Variants in SH3PXD2A observed in about 807,000 individuals in gnomAD.
SH3PXD2A encodes SH3 and PX domain-containing protein 2A.
In SH3PXD2A, 32 loss-of-function variants were observed where a neutral mutation model predicts 115.2. The observed-to-expected ratio is 0.28, with a 90% confidence interval of 0.21 to 0.37. SH3PXD2A has a LOEUF of 0.37. Ranked by LOEUF, SH3PXD2A falls within the 10% of genes least tolerant of loss-of-function variation. The probability of loss-of-function intolerance (pLI) is 1.00; values close to 1 mark genes in which losing one functional copy is unlikely to be tolerated. For synonymous variants in SH3PXD2A, 610 were observed against 629.1 expected, an observed-to-expected ratio of 0.97 and a Z score of 0.45; for missense variants, 1,328 against 1,498.7, an observed-to-expected ratio of 0.89 and a Z score of 1.88.
At chr10:103,664,331 A>T (rs542910331) in intron 7 of SH3PXD2A, among the ~76,000 whole-genome samples, 2 of 152,316 alleles carry the variant, frequency 1.3e-5, no homozygotes, top group South Asian at 4.1e-4. Flanking sequence ...AGCAATAGTG[A>T]CAGCAAGCCT....
chr10:103,810,988 G>A (rs1048204339), intron 1 of SH3PXD2A, among the ~76,000 whole-genome samples: 3 of 147,366 alleles, frequency 2.0e-5, no homozygotes, highest in Non-Finnish European at 4.5e-5. Flanking sequence ...ACACACGGCA[G>A]TGGTGGAACC....
At chr10:103,801,456 C>A in intron 1 of SH3PXD2A, 94 bp from the exon 2 acceptor site, 1 of 749,932 alleles carries the variant, frequency 1.3e-6, no homozygotes. Context: ...TTCCATATGG[C>A]AGGACCACTC....
intron 3 of SH3PXD2A, among the ~76,000 whole-genome samples, chr10:103,750,117 A>G (rs550944878): frequency 1.3e-5 from 2 of 152,252 alleles, no homozygotes; most frequent in South Asian, 2.1e-4. Context: ...CAGTAGCACA[A>G]TTTTGGCTCA....
chr10:103,789,406 C>A (rs1233759217), intron 2 of SH3PXD2A, among the ~76,000 whole-genome samples: 6 of 152,212 alleles, frequency 3.9e-5, no homozygotes. Context: ...GGGTCCCCAG[C>A]ACCATGCATG....
At chr10:103,832,380 AAAAAG>A (rs1458101874) in intron 1 of SH3PXD2A, among the ~76,000 whole-genome samples, 1 of 151,778 alleles carries the variant, frequency 6.6e-6, no homozygotes, top group Non-Finnish European at 1.5e-5. Context: ...GAAAAAAAAA[AAAAAG>A]AAAAGAAAAC....
chr10:103,767,823 T>G (rs528836889), intron 2 of SH3PXD2A, among the ~76,000 whole-genome samples: 13,215 of 148,526 alleles, frequency 0.089, 757 homozygotes, highest in South Asian at 0.13. Context: ...TTTTTTTTTT[T>G]TTTTTTTTTT....
At chr10:103,767,817 T>G (rs796580595) in intron 2 of SH3PXD2A, among the ~76,000 whole-genome samples, 44 of 140,810 alleles carry the variant, frequency 3.1e-4, no homozygotes, top group Admixed American at 1.8e-3. Flanking sequence ...TTTGTTTTTT[T>G]TTTTTTTTTT....
At chr10:103,711,975 C>T (rs909980379) in intron 5 of SH3PXD2A, among the ~76,000 whole-genome samples, 2 of 151,508 alleles carry the variant, frequency 1.3e-5, no homozygotes, top group African/African-American at 4.8e-5. Flanking sequence ...TGGCCTGGGA[C>T]GTCAAGGCTG....
intron 2 of SH3PXD2A, among the ~76,000 whole-genome samples, chr10:103,769,813 A>C (rs1302791838): frequency 1.3e-5 from 2 of 152,196 alleles, no homozygotes; most frequent in Non-Finnish European, 1.5e-5. Flanking sequence ...CTGGGCCATA[A>C]CACTCTAAAC....
chr10:103,602,907 C>G lies in SH3PXD2A; in HGVS notation c.2311G>C (p.Glu771Gln). The G allele has an allele frequency of 6.2e-7, 1 of 1,614,190 alleles. No individual in the cohort carries two copies. Among genetic ancestry groups the G allele is most frequent in the Non-Finnish European group, 8.5e-7 (1 of 1,180,002 alleles). ...FLNRAESQSQ[E>Q]KMDISTLRRQ... is the part of the protein sequence containing the mutation. ...CGTAAAGTGCTGATGTCCATCTTCT[C>G]TTGGCTCTGCGACTCTGCTCGGTTT... Residue 771 changes from glutamate (E) to glutamine (Q), a missense_variant, in exon 15 of 15, where the codon GAG becomes CAG. Physicochemically the swap from Glu to Gln is conservative, Grantham distance 29 (BLOSUM62 2). Coordinates refer to ENST00000369774, the MANE Select transcript of SH3PXD2A (RefSeq NM_001394015.1).
At chr10:103,704,637 C>A (rs928612538) in intron 5 of SH3PXD2A, among the ~76,000 whole-genome samples, 2 of 152,228 alleles carry the variant, frequency 1.3e-5, no homozygotes, top group African/African-American at 4.8e-5. Flanking sequence ...GGCTGCCATG[C>A]TCCTCACAGC....
intron 1 of SH3PXD2A, among the ~76,000 whole-genome samples, chr10:103,815,552 G>C (rs560274978): frequency 1.3e-5 from 2 of 151,510 alleles, no homozygotes; most frequent in South Asian, 4.2e-4. Flanking sequence ...CAACATGAAT[G>C]AACCTGGAGG....
intron 8 of SH3PXD2A, among the ~76,000 whole-genome samples, chr10:103,659,870 C>G (rs529988739): frequency 7.0e-4 from 106 of 152,268 alleles, no homozygotes; most frequent in African/African-American, 2.5e-3. Flanking sequence ...ATTTCCTTAG[C>G]ATCTCCACAG....
intron 6 of SH3PXD2A, among the ~76,000 whole-genome samples, chr10:103,672,976 C>T (rs916528762): frequency 7.2e-5 from 11 of 152,226 alleles, no homozygotes; most frequent in African/African-American, 2.2e-4. Context: ...CGGCCAAATA[C>T]AGGGACCCAA....
rs1186114350 is a variant in SH3PXD2A, at chr10:103,620,843, T to C, written c.802+1627A>G. Reference sequence around the variant, plus strand: ...TCACTGTATGTCTGTGACTGGCATATATGTGGTGCAAGGCGTTGTGTGTAT... The same window carrying C: ...TCACTGTATGTCTGTGACTGGCATACATGTGGTGCAAGGCGTTGTGTGTAT... On this transcript the variant is annotated intron_variant, in intron 10 of 14. Coordinates refer to ENST00000369774, the MANE Select transcript of SH3PXD2A (RefSeq NM_001394015.1). The surrounding 1 kb of genome is among the most constrained non-coding windows in gnomAD (Gnocchi z 5.3). Among the ~76,000 whole-genome samples, 5 of 152,316 alleles carry C rather than the reference T, an allele frequency of 3.3e-5. No individual in the cohort carries two copies. Among genetic ancestry groups the C allele is most frequent in the Non-Finnish European group, 5.9e-5 (4 of 68,028 alleles).
intron 1 of SH3PXD2A, among the ~76,000 whole-genome samples, chr10:103,804,558 G>A (rs1025938238): frequency 1.3e-5 from 2 of 151,832 alleles, no homozygotes; most frequent in Admixed American, 6.6e-5. Flanking sequence ...TTCTCACCTC[G>A]TGATCTGCTT....
intron 2 of SH3PXD2A, among the ~76,000 whole-genome samples, chr10:103,767,828 T>TTG (rs2038776107): frequency 1.3e-5 from 2 of 149,570 alleles, no homozygotes; most frequent in African/African-American, 4.9e-5. Flanking sequence ...TTTTTTTTTT[T>TTG]TTTTTTGCTA....
At position 103,600,325 on chromosome 10, in the gene SH3PXD2A, G is replaced by A. The variant is rs527399939; in HGVS notation, c.*1491C>T. 3.0e-4 allele frequency: 46 copies of A among 152,544 alleles called. No individual in the cohort carries two copies. Among genetic ancestry groups the A allele is most frequent in the African/African-American group, 1.1e-3 (44 of 41,538 alleles). The allele number at this position is 152,544 out of a possible 1,614,324, so 9.4% of individuals were successfully genotyped here. On this transcript the variant is annotated 3_prime_UTR_variant, in exon 15 of 15. Coordinates refer to ENST00000369774, the MANE Select transcript of SH3PXD2A (RefSeq NM_001394015.1). ...GACCTACAGGGAACTTTATTCTCTC[G>A]CTTCTGTCTTCACTGGGGCACTGAC...
intron 1 of SH3PXD2A, among the ~76,000 whole-genome samples, chr10:103,837,030 C>T (rs2039550834): frequency 6.6e-6 from 1 of 152,312 alleles, no homozygotes; most frequent in African/African-American, 2.4e-5. Context: ...TCGTTTGTTT[C>T]CTGAGGCAAG....
Sources: gnomAD v4.1 joint callset for allele counts (sites outside exome capture counted in the v4.1 genomes callset) on GRCh38, gnomAD v4.1.1 for gene constraint, Gnocchi (gnomAD v3.1) non-coding constraint, MANE v1.5 for transcripts, NCBI Gene and HGNC (gene_info 2026-07-23, HGNC 2026-07-21) for gene names.